OSBPL9: variants seen among roughly 807,000 people sequenced by gnomAD.
The protein encoded by OSBPL9 is oxysterol binding protein like 9.
In OSBPL9, 40 loss-of-function variants were observed where a neutral mutation model predicts 106.6. The observed-to-expected ratio is 0.38, with a 90% CI of 0.29 to 0.49. The LOEUF is 0.49. Ranked by LOEUF, OSBPL9 falls within the 20% of genes least tolerant of loss-of-function variation. OSBPL9 has a pLI of 0.97. For synonymous variants in OSBPL9, 269 were observed against 295.4 expected, an observed-to-expected ratio of 0.91 and a Z score of 0.92; for missense variants, 609 against 887.2, an observed-to-expected ratio of 0.69 and a Z score of 3.98.
intron 4 of OSBPL9, among the ~76,000 whole-genome samples, chr1:51,720,820 C>T (rs1275649599): frequency 4.6e-5 from 5 of 108,576 alleles, no homozygotes; most frequent in Non-Finnish European, 8.7e-5. Flanking sequence ...TTTTTTGAGA[C>T]GGAGTCTCAT....
At position 51,765,925 on chromosome 1, in the gene OSBPL9, A is replaced by G; in HGVS notation, c.882A>G (p.Glu294=). ...TCTCTTACTCCAGCAGTGAAGATGA[A>G]TTTTATGATGCTGATGAATTCCATC... ...PEFSYSSSED[E]FYDADEFHQS... The change falls in exon 12 of 24, where the codon GAA becomes GAG. Residue 294 remains glutamate, a synonymous_variant. Transcript: ENST00000428468. 6.2e-7 allele frequency: 1 copy of G among 1,614,090 alleles called. No individual in the cohort carries two copies. The highest frequency in any genetic ancestry group is 8.5e-7 in the Non-Finnish European group (1 of 1,179,984).
chr1:51,626,311 T>C (rs1644761923), intron 1 of OSBPL9, among the ~76,000 whole-genome samples: 1 of 152,222 alleles, frequency 6.6e-6, no homozygotes, highest in African/African-American at 2.4e-5. Context: ...TCCTGTGTTC[T>C]GGATTCCATT....
chr1:51,626,285 A>G (rs925859656), intron 1 of OSBPL9, among the ~76,000 whole-genome samples: 2 of 152,128 alleles, frequency 1.3e-5, no homozygotes, highest in African/African-American at 4.8e-5. Context: ...ACCTTTCCCT[A>G]TCATAGAAGA....
At chr1:51,713,135 T>TTTTTA (rs944415472) in intron 3 of OSBPL9, among the ~76,000 whole-genome samples, 16 of 152,174 alleles carry the variant, frequency 1.1e-4, no homozygotes, top group African/African-American at 2.4e-4. Context: ...TTTTTTTGTT[T>TTTTTA]TTTTATTTTA....
chr1:51,730,658 GT>G (rs1457212115), intron 4 of OSBPL9, among the ~76,000 whole-genome samples: 1 of 152,188 alleles, frequency 6.6e-6, no homozygotes, highest in Non-Finnish European at 1.5e-5. Context: ...GCATATTTGA[GT>G]AATGCACTTT....
intron 15 of OSBPL9, 109 bp downstream of exon 15, chr1:51,777,027 T>A: frequency 1.1e-6 from 1 of 876,944 alleles, no homozygotes; most frequent in Non-Finnish European, 1.9e-6. Flanking sequence ...CAAACATTTC[T>A]GGGTATTCTG....
chr1:51,758,740 G>A (rs1057031852), intron 9 of OSBPL9, among the ~76,000 whole-genome samples: 1 of 152,204 alleles, frequency 6.6e-6, no homozygotes, highest in African/African-American at 2.4e-5. Flanking sequence ...GGAGGGGTAA[G>A]GAGGTGTGAC....
chr1:51,519,231 T>A, the OSBPL9 span: 2 of 1,272,886 alleles, frequency 1.6e-6, no homozygotes, highest in Non-Finnish European at 2.0e-6. Flanking sequence ...GCCGCAGCCA[T>A]GGTGTTTCCA....
Position 51,787,504 on chromosome 1 carries a change from C to T in OSBPL9, c.2136+16C>T, listed in dbSNP as rs755729786. On this transcript the variant is annotated intron_variant, in intron 23 of 23. Coordinates refer to ENST00000428468, the MANE Select transcript of OSBPL9 (RefSeq NM_024586.6). ...GGAGACAAGGGTAAGCTTGCCTGCC[C>T]CACCCTCCTAAGTGCTGTTCCTCCT... 1.2e-6 allele frequency: 2 copies of T among 1,613,572 alleles called. No individual in the cohort carries two copies. Among genetic ancestry groups the T allele is most frequent in the African/African-American group, 1.3e-5 (1 of 74,986 alleles).
chr1:51,662,928 T>C (rs904077024), intron 2 of OSBPL9, among the ~76,000 whole-genome samples: 4 of 151,874 alleles, frequency 2.6e-5, no homozygotes, highest in African/African-American at 9.7e-5. Context: ...GTATTTTTAG[T>C]AGAGATGGGG....
intron 3 of OSBPL9, among the ~76,000 whole-genome samples, chr1:51,688,530 T>G (rs1483721748): frequency 6.6e-6 from 1 of 152,076 alleles, no homozygotes; most frequent in Non-Finnish European, 1.5e-5. Context: ...GGTGGGAGGA[T>G]CACTTGAATC....
intron 3 of OSBPL9, among the ~76,000 whole-genome samples, chr1:51,682,404 C>T (rs553815099): frequency 6.6e-6 from 1 of 152,250 alleles, no homozygotes; most frequent in Non-Finnish European, 1.5e-5. Flanking sequence ...TTCACTGTAG[C>T]ATTATTCACA....
intron 2 of OSBPL9, among the ~76,000 whole-genome samples, chr1:51,662,367 T>C (rs1029069800): frequency 8.6e-5 from 13 of 152,022 alleles, no homozygotes; most frequent in East Asian, 1.9e-4. Flanking sequence ...AATTGAAAAT[T>C]GGCAGGGATA....
chr1:51,635,236 C>T (rs1344114098), intron 1 of OSBPL9, among the ~76,000 whole-genome samples: 1 of 151,970 alleles, frequency 6.6e-6, no homozygotes, highest in African/African-American at 2.4e-5. Flanking sequence ...TTAGGAAGAT[C>T]CCTTGAGCCC....
chr1:51,686,184 G>A (rs551816527), intron 3 of OSBPL9, among the ~76,000 whole-genome samples: 2 of 152,220 alleles, frequency 1.3e-5, no homozygotes, highest in South Asian at 2.1e-4. Context: ...TGCTTACTTC[G>A]GGTTCAGTTA....
At chr1:51,665,501 G>A (rs1226771640) in intron 2 of OSBPL9, among the ~76,000 whole-genome samples, 1 of 152,188 alleles carries the variant, frequency 6.6e-6, no homozygotes, top group Non-Finnish European at 1.5e-5. Flanking sequence ...TACCCAATAT[G>A]TGGCTAATGG....
At chr1:51,527,348 A>G in the OSBPL9 span, among the ~76,000 whole-genome samples, 1 of 151,940 alleles carries the variant, frequency 6.6e-6, no homozygotes. Context: ...GATGATGATG[A>G]TGATGATGAT....
chr1:51,627,534 C>T (rs1644839885), intron 1 of OSBPL9, among the ~76,000 whole-genome samples: 2 of 152,208 alleles, frequency 1.3e-5, no homozygotes, highest in South Asian at 4.1e-4. Flanking sequence ...GTCTCAATTA[C>T]TGTAGCTTTG....
intron 3 of OSBPL9, among the ~76,000 whole-genome samples, chr1:51,685,770 T>G (rs1247267562): frequency 6.6e-6 from 1 of 152,234 alleles, no homozygotes; most frequent in Non-Finnish European, 1.5e-5. Flanking sequence ...AAGGCATTCA[T>G]TCTTAGGATC....
Sources: gnomAD v4.1 joint callset for allele counts (sites outside exome capture counted in the v4.1 genomes callset) on GRCh38, gnomAD v4.1.1 for gene constraint, MANE v1.5 for transcripts, NCBI Gene and HGNC (gene_info 2026-07-23, HGNC 2026-07-21) for gene names.